CCDC149: variants seen among roughly 807,000 people sequenced by gnomAD.
The protein encoded by CCDC149 is coiled-coil domain-containing protein 149.
Under a neutral mutation model 59.9 loss-of-function variants are expected in CCDC149, and 45 were observed. That is an observed-to-expected ratio of 0.75 (90% CI 0.59 to 0.96). The LOEUF (loss-of-function observed/expected upper bound fraction) is 0.96. CCDC149 is among the 40% of genes least tolerant of loss of function. The pLI, the probability that CCDC149 is intolerant of heterozygous loss-of-function variation, is 0.00. For synonymous variants in CCDC149, 245 were observed against 260.6 expected, an observed-to-expected ratio of 0.94 and a Z score of 0.58; for missense variants, 584 against 664.7, an observed-to-expected ratio of 0.88 and a Z score of 1.33.
chr4:24,827,530 A>T (rs1026424425), intron 9 of CCDC149: 1 of 152,258 alleles, frequency 6.6e-6, no homozygotes, highest in African/African-American at 2.4e-5. Flanking sequence ...AGGTCTGGAG[A>T]ACGAAATGTG....
At chr4:24,871,973 A>G (rs1174842844) in intron 3 of CCDC149, among the ~76,000 whole-genome samples, 1 of 152,252 alleles carries the variant, frequency 6.6e-6, no homozygotes, top group East Asian at 1.9e-4. Context: ...GATTTGTGTG[A>G]GAAGGATCGG....
At chr4:24,867,625 G>A (rs1483839215) in intron 3 of CCDC149, among the ~76,000 whole-genome samples, 1 of 152,202 alleles carries the variant, frequency 6.6e-6, no homozygotes, top group Non-Finnish European at 1.5e-5. Flanking sequence ...ATGGCTGTAG[G>A]TCTGTGACTC....
intron 1 of CCDC149, among the ~76,000 whole-genome samples, chr4:24,946,090 G>C (rs764374925): frequency 1.1e-4 from 16 of 152,186 alleles, no homozygotes; most frequent in Non-Finnish European, 1.6e-4. Flanking sequence ...AACAGTCAAA[G>C]ATAGACACAC....
At chr4:24,891,601 G>A (rs568731058) in intron 1 of CCDC149, among the ~76,000 whole-genome samples, 6 of 152,260 alleles carry the variant, frequency 3.9e-5, no homozygotes, top group South Asian at 2.1e-4. Context: ...ACTCTTTTGC[G>A]TGTGCATCTA....
intron 4 of CCDC149, among the ~76,000 whole-genome samples, chr4:24,839,022 T>TCACA (rs1222797650): frequency 9.2e-6 from 1 of 108,290 alleles, no homozygotes; most frequent in African/African-American, 3.8e-5. Flanking sequence ...TCTCTCTCTC[T>TCACA]CTCTCTCACA....
chr4:24,853,751 G>T (rs1266928172), intron 3 of CCDC149, among the ~76,000 whole-genome samples: 1 of 152,086 alleles, frequency 6.6e-6, no homozygotes, highest in Non-Finnish European at 1.5e-5. Flanking sequence ...GTTGTCTCAT[G>T]AGCTTTCGTG....
chr4:24,826,032 G>T (rs112909252), intron 9 of CCDC149, among the ~76,000 whole-genome samples: 3,964 of 151,672 alleles, frequency 0.026, 165 homozygotes, highest in African/African-American at 0.09. Context: ...CTCAGCTCAC[G>T]GCAACCTCTG....
At chr4:24,890,093 C>T (rs564871564) in intron 1 of CCDC149, among the ~76,000 whole-genome samples, 18 of 152,248 alleles carry the variant, frequency 1.2e-4, no homozygotes, top group East Asian at 3.9e-4. Flanking sequence ...AGAAGCAATG[C>T]GGCACCTGGG....
intron 1 of CCDC149, among the ~76,000 whole-genome samples, chr4:24,881,680 C>T (rs34328666): frequency 1.3e-5 from 2 of 152,224 alleles, no homozygotes; most frequent in Non-Finnish European, 2.9e-5. Context: ...ATACTTGCCC[C>T]TGGGCTGTGT....
At chr4:24,833,188 G>A (rs1716268890) in intron 8 of CCDC149, among the ~76,000 whole-genome samples, 1 of 149,250 alleles carries the variant, frequency 6.7e-6, no homozygotes, top group East Asian at 2.0e-4. Flanking sequence ...AAAAAAAAAG[G>A]AAACAGTATA....
chr4:24,843,105 C>G (rs1474070667), intron 4 of CCDC149, among the ~76,000 whole-genome samples: 6 of 152,190 alleles, frequency 3.9e-5, no homozygotes, highest in Admixed American at 3.9e-4. Context: ...CTGTGGAGAT[C>G]ACTTTACCAC....
chr4:24,834,725 C>T lies in CCDC149; in HGVS notation c.820+223G>A, dbSNP rs140051421. Reference sequence around the variant, plus strand: ...TTTTAGAAATACATAATTTTCAAGTCGTACTCCAGACCTACTGAATCAGAA... The same window carrying T: ...TTTTAGAAATACATAATTTTCAAGTTGTACTCCAGACCTACTGAATCAGAA... On this transcript the variant is annotated intron_variant, in intron 8 of 12. Coordinates refer to ENST00000635206, the MANE Select transcript of CCDC149 (RefSeq NM_001330643.2). 2.3e-3 allele frequency among the ~76,000 whole-genome samples: 344 copies of T among 152,294 alleles called. 3 individuals carry two copies. The highest frequency in any genetic ancestry group is 7.7e-3 in the African/African-American group (319 of 41,554).
At chr4:24,857,537 G>A (rs1443339034) in intron 3 of CCDC149, among the ~76,000 whole-genome samples, 1 of 152,090 alleles carries the variant, frequency 6.6e-6, no homozygotes, top group African/African-American at 2.4e-5. Flanking sequence ...AGCTCAAATG[G>A]TTTTCCTAGG....
At chr4:24,894,619 A>T (rs1414257086) in intron 1 of CCDC149, among the ~76,000 whole-genome samples, 2 of 152,060 alleles carry the variant, frequency 1.3e-5, no homozygotes, top group African/African-American at 4.8e-5. Flanking sequence ...CTCTTTAAGA[A>T]GAAGTTGAGG....
At chr4:24,910,479 C>G (rs983842681) in intron 1 of CCDC149, among the ~76,000 whole-genome samples, 1 of 152,142 alleles carries the variant, frequency 6.6e-6, no homozygotes, top group Non-Finnish European at 1.5e-5. Flanking sequence ...TAATTCAACT[C>G]ACTACAGTAA....
At chr4:24,865,320 A>C (rs1292427140) in intron 3 of CCDC149, among the ~76,000 whole-genome samples, 4 of 152,220 alleles carry the variant, frequency 2.6e-5, no homozygotes, top group Non-Finnish European at 5.9e-5. Context: ...GAATACATTT[A>C]AAAAATGTTT....
chr4:24,832,600 G>A (rs1162315501), intron 8 of CCDC149, among the ~76,000 whole-genome samples: 1 of 152,102 alleles, frequency 6.6e-6, no homozygotes, highest in Non-Finnish European at 1.5e-5. Context: ...TCTATGGATG[G>A]CTCTGATAGA....
chr4:24,864,485 T>C (rs1343132838), intron 3 of CCDC149, among the ~76,000 whole-genome samples: 1 of 152,164 alleles, frequency 6.6e-6, no homozygotes, highest in Non-Finnish European at 1.5e-5. Flanking sequence ...TTCGACTCCC[T>C]GTGATTTCAT....
chr4:24,975,220 G>A (rs1465263588), intron 1 of CCDC149, among the ~76,000 whole-genome samples: 1 of 151,564 alleles, frequency 6.6e-6, no homozygotes, highest in East Asian at 1.9e-4. Context: ...GGTATTCTAT[G>A]ATAACTATTC....
Sources: gnomAD v4.1 joint callset for allele counts (sites outside exome capture counted in the v4.1 genomes callset) on GRCh38, gnomAD v4.1.1 for gene constraint, MANE v1.5 for transcripts, NCBI Gene and HGNC (gene_info 2026-07-23, HGNC 2026-07-21) for gene names.